Variants in ERC1 observed in about 807,000 individuals in gnomAD.
ERC1 encodes RAB6 interacting protein 2.
A neutral mutation model predicts 132.0 loss-of-function variants in ERC1; 56 were observed. The ratio of observed to expected loss-of-function variants is 0.42; its 90% CI spans 0.34 to 0.53. ERC1 has a LOEUF of 0.53. Among genes scored for constraint, ERC1 ranks in the 20% least tolerant of loss-of-function variants. ERC1 has a pLI of 0.03. For synonymous variants in ERC1, 478 were observed against 476.1 expected (o/e 1.00, Z -0.05); for missense variants, 1,202 against 1,349.9 (o/e 0.89, Z 1.72).
Position 1,028,341 on chromosome 12 carries a change from G to T in ERC1, c.438G>T (p.Ala146=). The change falls in exon 2 of 19, where the codon GCG becomes GCT. Residue 146 remains alanine (A), a synonymous_variant. Coordinates refer to ENST00000360905, the MANE Select transcript of ERC1 (RefSeq NM_178040.4). ...ASTVPHSLRQ[A]RDNTIMDLQT... is the part of the protein sequence containing the mutation. ...CTGTACCTCACTCCCTTCGTCAGGC[G>T]AGAGATAACACAATCATGGATCTGC... 3 of 1,614,138 alleles carry T rather than the reference G, an allele frequency of 1.9e-6. No individual in the cohort carries two copies. Among genetic ancestry groups the T allele is most frequent in the Non-Finnish European group, 2.5e-6 (3 of 1,180,028 alleles).
intron 12 of ERC1, chr12:1,204,425 T>G: frequency 7.9e-7 from 1 of 1,261,226 alleles, no homozygotes; most frequent in South Asian, 1.3e-5. Context: ...TGAATAATAT[T>G]TCTGAATATT....
intron 6 of ERC1, among the ~76,000 whole-genome samples, chr12:1,115,315 TA>T: frequency 6.6e-6 from 1 of 152,338 alleles, no homozygotes; most frequent in South Asian, 2.1e-4. Flanking sequence ...TGTATAACAT[TA>T]AAAGTGGCTT....
chr12:1,157,939 T>C (rs143168902), intron 8 of ERC1, among the ~76,000 whole-genome samples: 27 of 152,174 alleles, frequency 1.8e-4, no homozygotes, highest in African/African-American at 6.0e-4. Flanking sequence ...CTAAAGAGAG[T>C]CAAACTGTCC....
chr12:1,343,187 G>A (rs1428635102), intron 15 of ERC1, among the ~76,000 whole-genome samples: 2 of 152,176 alleles, frequency 1.3e-5, no homozygotes, highest in Non-Finnish European at 2.9e-5. Flanking sequence ...GCAACATGAG[G>A]CCAGCAGAGC....
chr12:1,025,216 G>T (rs1297053797), intron 1 of ERC1, among the ~76,000 whole-genome samples: 1 of 152,058 alleles, frequency 6.6e-6, no homozygotes, highest in African/African-American at 2.4e-5. Flanking sequence ...AAAAATTCAG[G>T]TGCTTTATGG....
chr12:1,246,233 A>G (rs1017681936), intron 13 of ERC1, among the ~76,000 whole-genome samples: 78 of 152,360 alleles, frequency 5.1e-4, no homozygotes, highest in African/African-American at 1.8e-3. Flanking sequence ...AAAATTTTGA[A>G]AACCTAATTG....
intron 1 of ERC1, among the ~76,000 whole-genome samples, chr12:1,010,878 T>C (rs1964577709): frequency 6.6e-6 from 1 of 152,152 alleles, no homozygotes; most frequent in Non-Finnish European, 1.5e-5. Flanking sequence ...AGTGTGCCAT[T>C]CCACCCGTTT....
intron 12 of ERC1, among the ~76,000 whole-genome samples, chr12:1,198,449 G>T (rs1169826008): frequency 1.3e-5 from 2 of 152,192 alleles, no homozygotes; most frequent in Admixed American, 6.5e-5. Context: ...GATAGAACTG[G>T]AGATCAGTTT....
chr12:1,052,971 G>A (rs1433377691), intron 2 of ERC1, among the ~76,000 whole-genome samples: 45 of 142,534 alleles, frequency 3.2e-4, no homozygotes, highest in African/African-American at 1.0e-3. Flanking sequence ...ACTATGTCTC[G>A]AAAAAAAAAA....
At chr12:1,164,434 C>T (rs1035227760) in intron 8 of ERC1, among the ~76,000 whole-genome samples, 1 of 152,094 alleles carries the variant, frequency 6.6e-6, no homozygotes, top group African/African-American at 2.4e-5. Flanking sequence ...GCTCTGCCTC[C>T]CGGGTTCACA....
chr12:1,145,232 G>A (rs1051788376), intron 8 of ERC1, among the ~76,000 whole-genome samples: 1 of 152,078 alleles, frequency 6.6e-6, no homozygotes, highest in African/African-American at 2.4e-5. Context: ...GGCCAGGCTG[G>A]TCTTGAACTC....
intron 6 of ERC1, among the ~76,000 whole-genome samples, chr12:1,114,902 T>G (rs1265327534): frequency 6.6e-6 from 1 of 152,250 alleles, no homozygotes; most frequent in Non-Finnish European, 1.5e-5. Flanking sequence ...AAAGGTCTAA[T>G]TTTAATTAAT....
chr12:1,055,400 G>A (rs1355372456), intron 2 of ERC1, among the ~76,000 whole-genome samples: 2 of 151,974 alleles, frequency 1.3e-5, no homozygotes, highest in African/African-American at 4.8e-5. Context: ...GGCTGGTCTC[G>A]AACTCCTGAC....
At chr12:1,488,530 T>G (rs910532609) in intron 18 of ERC1, among the ~76,000 whole-genome samples, 1 of 152,036 alleles carries the variant, frequency 6.6e-6, no homozygotes, top group African/African-American at 2.4e-5. Context: ...CTCCAAAAAA[T>G]TAAAATTTAA....
At chr12:1,360,639 T>C (rs987983059) in intron 15 of ERC1, among the ~76,000 whole-genome samples, 1 of 152,338 alleles carries the variant, frequency 6.6e-6, no homozygotes, top group South Asian at 2.1e-4. Context: ...ACTGTGAAGC[T>C]TAAAGAGAAA....
rs943079739 is a variant in ERC1, at chr12:1,027,842, G to C, written c.-62G>C. Reference sequence around the variant, plus strand: ...TGTAGCCATAGAGACACCTCACAAGGTTCCCATTTTTGTTGTTGTTGTTGT... The same window carrying C: ...TGTAGCCATAGAGACACCTCACAAGCTTCCCATTTTTGTTGTTGTTGTTGT... On this transcript the variant is annotated 5_prime_UTR_variant, in exon 2 of 19. Transcript: ENST00000360905. The C allele has an allele frequency of 1.4e-6, 2 of 1,461,042 alleles. No homozygotes were observed. Among genetic ancestry groups the C allele is most frequent in the Admixed American group, 2.1e-5 (1 of 48,364 alleles). The allele number at this position is 1,461,042 out of a possible 1,614,324, so 90.5% of individuals were successfully genotyped here.
At chr12:1,473,088 C>T (rs1029821862) in intron 18 of ERC1, among the ~76,000 whole-genome samples, 3 of 152,076 alleles carry the variant, frequency 2.0e-5, no homozygotes, top group Admixed American at 1.3e-4. Flanking sequence ...TGCAGTGGTG[C>T]GATCTCAGCT....
intron 8 of ERC1, among the ~76,000 whole-genome samples, chr12:1,159,791 G>A (rs1346535288): frequency 6.6e-6 from 1 of 152,048 alleles, no homozygotes; most frequent in Non-Finnish European, 1.5e-5. Context: ...TGATTAAAAT[G>A]GGATTCATGT....
intron 11 of ERC1, among the ~76,000 whole-genome samples, chr12:1,185,471 G>T: frequency 6.9e-6 from 1 of 145,302 alleles, no homozygotes; most frequent in African/African-American, 2.6e-5. Context: ...TGTTTCCCTT[G>T]ATTATCTTAC....
Sources: gnomAD v4.1 joint callset for allele counts (sites outside exome capture counted in the v4.1 genomes callset) on GRCh38, gnomAD v4.1.1 for gene constraint, MANE v1.5 for transcripts, NCBI Gene and HGNC (gene_info 2026-07-23, HGNC 2026-07-21) for gene names.